Variants in GCH1 observed in about 807,000 individuals in gnomAD.
GCH1 encodes GTP cyclohydrolase I.
A neutral mutation model predicts 25.9 loss-of-function variants in GCH1; 5 were observed. That is an observed-to-expected ratio of 0.19 (90% CI 0.10 to 0.41). The LOEUF is 0.41. GCH1 is among the 10% of genes least tolerant of loss of function. GCH1 has a pLI of 1.00. For missense variants in GCH1, 261 were observed against 336.5 expected (o/e 0.78, Z 1.75); for synonymous variants, 159 against 129.6 (o/e 1.23, Z -1.54).
chr14:54,853,513 G>A (rs753535000), intron 3 of GCH1, among the ~76,000 whole-genome samples: 5 of 152,136 alleles, frequency 3.3e-5, no homozygotes, highest in African/African-American at 4.8e-5. Context: ...ATGCTTTCCC[G>A]AAAGTGTAAA....
chr14:54,902,538 G>C lies in GCH1; in HGVS notation c.126C>G (p.Pro42=). 6.4e-7 allele frequency: 1 copy of C among 1,551,582 alleles called. No homozygotes were observed. Among genetic ancestry groups the C allele is most frequent in the Non-Finnish European group, 8.7e-7 (1 of 1,150,858 alleles). Residue 42 remains proline (P), a synonymous_variant, in exon 1 of 6, where the codon CCC becomes CCG. Coordinates refer to ENST00000491895, the MANE Select transcript of GCH1 (RefSeq NM_000161.3). The part of the protein sequence containing the change: ...PSRPAEKPPR[P]EAKSAQPADG... ...CCGCGGGCTGCGCGCTCTTGGCCTC[G>C]GGCCGCGGGGGCTTCTCCGCCGGCC...
intron 3 of GCH1, among the ~76,000 whole-genome samples, chr14:54,856,862 G>A (rs2039819817): frequency 6.6e-6 from 1 of 152,186 alleles, no homozygotes; most frequent in Non-Finnish European, 1.5e-5. Flanking sequence ...TACTAGAGTT[G>A]AGCCAGATCA....
At position 54,873,974 on chromosome 14, in the gene GCH1, A is replaced by C. The variant is rs555282705; in HGVS notation, c.344-8538T>G. On this transcript the variant is annotated intron_variant, in intron 1 of 5. Transcript: ENST00000491895. ...ATTCCAATCAATAGAAAAAGAGGGA[A>C]TCCTCCCTAACTCATTTTATGAGGC... Among the ~76,000 whole-genome samples the C allele has an allele frequency of 4.3e-4, 65 of 152,292 alleles. 1 individual carries two copies. In the South Asian group the frequency reaches 0.012, roughly 28 times the overall value.
chr14:54,877,049 A>G (rs1172930226), intron 1 of GCH1, among the ~76,000 whole-genome samples: 1 of 152,242 alleles, frequency 6.6e-6, no homozygotes, highest in Non-Finnish European at 1.5e-5. Flanking sequence ...GCCCCATTTT[A>G]TTAAAATGAA....
intron 1 of GCH1, among the ~76,000 whole-genome samples, chr14:54,878,400 G>C (rs1825239785): frequency 6.6e-6 from 1 of 152,224 alleles, no homozygotes; most frequent in Non-Finnish European, 1.5e-5. Flanking sequence ...ATTAAGAGAA[G>C]AGACAGAGAG....
intron 3 of GCH1, 68 bp downstream of exon 3, chr14:54,859,613 T>C (rs55934565): frequency 0.02 from 17,390 of 862,094 alleles, 306 homozygotes; most frequent in South Asian, 0.047. Flanking sequence ...CCTGATGAGA[T>C]AGATTCTCAG....
rs104894433 is a variant in GCH1 at position 54,902,402 on chromosome 14, G to C, written c.262C>G (p.Arg88Gly). The C allele has an allele frequency of 6.2e-7, 1 of 1,613,144 alleles. No homozygotes were observed. The highest frequency in any genetic ancestry group is 8.5e-7 in the Non-Finnish European group (1 of 1,179,834). ...CAGGGCGTCTTGAGCAGCCCTTGCC[G>C]CTGGGGGTTCTCGCCCAGCGAGCTC... ...ILSSLGENPQRQGLLKTPWRA... is the reference protein window; with the variant it reads ...ILSSLGENPQGQGLLKTPWRA... Residue 88 changes from arginine (R) to glycine (G), a missense_variant, in exon 1 of 6, where the codon CGG becomes GGG. By Grantham distance (125) the Arg-to-Gly change is moderately radical. Coordinates refer to ENST00000491895, the MANE Select transcript of GCH1 (RefSeq NM_000161.3).
At chr14:54,871,237 G>A (rs2140084072) in intron 1 of GCH1, among the ~76,000 whole-genome samples, 1 of 152,318 alleles carries the variant, frequency 6.6e-6, no homozygotes, top group African/African-American at 2.4e-5. Context: ...CAGGCAAACA[G>A]GGTCTGGAGT....
At chr14:54,894,940 G>T (rs757277787) in intron 1 of GCH1, among the ~76,000 whole-genome samples, 1 of 151,914 alleles carries the variant, frequency 6.6e-6, no homozygotes, top group Non-Finnish European at 1.5e-5. Context: ...TTAAAACTTG[G>T]GATATAAACT....
intron 4 of GCH1, 47 bp from the exon 5 acceptor site, chr14:54,845,899 C>G: frequency 2.0e-6 from 2 of 1,009,672 alleles, no homozygotes; most frequent in Non-Finnish European, 3.2e-6. Flanking sequence ...ACACAAACAG[C>G]TGGAAGCTTT....
In GCH1 at chr14:54,868,159, A is replaced by G. The variant is rs2040015659; in HGVS notation, c.344-2723T>C. Among the ~76,000 whole-genome samples, 4 of 152,306 alleles carry G rather than the reference A, an allele frequency of 2.6e-5. No homozygotes were observed. The South Asian group carries it at 8.3e-4, about 32-fold the overall frequency. ...CCAGGCACAGTGGCTCACACCTGTA[A>G]TCCCAGCACTTTGGTAGGGCAAGGT... On this transcript the variant is annotated intron_variant, in intron 1 of 5. Transcript: ENST00000491895.
intron 1 of GCH1, among the ~76,000 whole-genome samples, chr14:54,870,271 G>C (rs1474657376): frequency 7.4e-6 from 1 of 135,524 alleles, no homozygotes; most frequent in South Asian, 2.4e-4. Flanking sequence ...GCGAAGGTGA[G>C]AACATTGCTA....
chr14:54,900,599 C>G (rs960315334), intron 1 of GCH1, among the ~76,000 whole-genome samples: 7 of 152,138 alleles, frequency 4.6e-5, no homozygotes. Flanking sequence ...GATATTTCAG[C>G]TAACCATTTC....
At chr14:54,884,477 A>G (rs569340090) in intron 1 of GCH1, among the ~76,000 whole-genome samples, 1 of 152,228 alleles carries the variant, frequency 6.6e-6, no homozygotes, top group East Asian at 1.9e-4. Flanking sequence ...TTTTTGTAAG[A>G]TTACACAGTA....
Position 54,901,767 on chromosome 14 carries a change from C to CA in GCH1, c.343+553dup, listed in dbSNP as rs1271483299. 5.1e-3 allele frequency among the ~76,000 whole-genome samples: 735 copies of CA among 144,636 alleles called. 3 individuals carry two copies. Among genetic ancestry groups the CA allele is most frequent in the African/African-American group, 0.016 (646 of 39,476 alleles). The allele number at this position is 144,636 out of a possible 152,430, so 94.9% of individuals were successfully genotyped here. On this transcript the variant is annotated intron_variant, in intron 1 of 5. Transcript: ENST00000491895. ...TGAACTGGAGTAAACTTGAGGTGGA[C>CA]AAAAAAAAAAGCACAACTCTAAGAC...
chr14:54,844,783 A>G (rs954146051), intron 5 of GCH1, among the ~76,000 whole-genome samples: 3 of 152,236 alleles, frequency 2.0e-5, no homozygotes, highest in African/African-American at 7.2e-5. Context: ...TCTTGGCTTT[A>G]TTTTTTAAAT....
chr14:54,872,438 A>T (rs1055140370), intron 1 of GCH1, among the ~76,000 whole-genome samples: 5 of 152,226 alleles, frequency 3.3e-5, no homozygotes, highest in Admixed American at 3.3e-4. Flanking sequence ...AACTGCATCA[A>T]CTAACGAGCA....
chr14:54,882,767 A>G (rs1192113760), intron 1 of GCH1, among the ~76,000 whole-genome samples: 1 of 152,134 alleles, frequency 6.6e-6, no homozygotes, highest in African/African-American at 2.4e-5. Context: ...ATACCACGAG[A>G]TTTCATACAG....
chr14:54,862,479 T>C (rs2039915299), intron 2 of GCH1, among the ~76,000 whole-genome samples: 1 of 147,394 alleles, frequency 6.8e-6, no homozygotes, highest in Non-Finnish European at 1.5e-5. Context: ...ACCTCCTGGG[T>C]TCAAGCGATT....
Sources: allele counts gnomAD v4.1 joint callset (sites outside exome capture counted in the v4.1 genomes callset), GRCh38; gene constraint gnomAD v4.1.1; transcripts MANE v1.5; gene names NCBI Gene and HGNC (gene_info 2026-07-23, HGNC 2026-07-21).